The following CCDC192 variants were observed in gnomAD, a reference collection of about 807,000 sequenced individuals.
CCDC192 encodes the protein coiled-coil domain containing 192.
chr5:127,788,731 G>A (rs904508848), intron 3 of CCDC192, among the ~76,000 whole-genome samples: 1 of 152,070 alleles, frequency 6.6e-6, no homozygotes, highest in Non-Finnish European at 1.5e-5. Flanking sequence ...AGGCCTCTTA[G>A]GTTCTGTTTA....
At chr5:127,706,325 G>A (rs961907783) in intron 1 of CCDC192, among the ~76,000 whole-genome samples, 1 of 151,834 alleles carries the variant, frequency 6.6e-6, no homozygotes, top group Non-Finnish European at 1.5e-5. Context: ...TTAAGAGATC[G>A]AGACCATCCT....
chr5:127,892,380 G>C (rs1752757587), intron 6 of CCDC192, among the ~76,000 whole-genome samples: 1 of 152,132 alleles, frequency 6.6e-6, no homozygotes, highest in Non-Finnish European at 1.5e-5. Context: ...CTCCTGGATG[G>C]AACTAGCAGA....
chr5:127,845,325 A>G (rs1750484964), intron 5 of CCDC192, among the ~76,000 whole-genome samples: 1 of 152,184 alleles, frequency 6.6e-6, no homozygotes, highest in African/African-American at 2.4e-5. Flanking sequence ...ATGAGAGCAC[A>G]GGGTGAGAGC....
chr5:127,879,534 C>T (rs371492607), intron 6 of CCDC192, among the ~76,000 whole-genome samples: 4 of 63,578 alleles, frequency 6.3e-5, no homozygotes, highest in African/African-American at 2.4e-4. Flanking sequence ...CGGGCAAGGA[C>T]TTCATGTCTA....
At chr5:127,784,000 C>T (rs945834197) in intron 3 of CCDC192, among the ~76,000 whole-genome samples, 1 of 152,040 alleles carries the variant, frequency 6.6e-6, no homozygotes, top group Admixed American at 6.6e-5. Context: ...TTTTTCCACC[C>T]CTTTACCTTA....
chr5:127,724,145 C>A (rs1752176860), intron 2 of CCDC192, among the ~76,000 whole-genome samples: 1 of 152,100 alleles, frequency 6.6e-6, no homozygotes, highest in African/African-American at 2.4e-5. Context: ...ATTTTTTCAA[C>A]TCATTTAAGA....
At chr5:127,828,444 C>A (rs1472892683) in intron 5 of CCDC192, among the ~76,000 whole-genome samples, 3 of 152,134 alleles carry the variant, frequency 2.0e-5, no homozygotes. Flanking sequence ...CTTTGTTTGC[C>A]AATTACTGTT....
intron 5 of CCDC192, among the ~76,000 whole-genome samples, chr5:127,831,920 CTG>C (rs1235242037): frequency 6.6e-6 from 1 of 151,148 alleles, no homozygotes; most frequent in African/African-American, 2.4e-5. Flanking sequence ...TTTTTTAAAA[CTG>C]TAAATAAGTT....
intron 3 of CCDC192, among the ~76,000 whole-genome samples, chr5:127,780,642 T>G (rs1756158142): frequency 1.3e-5 from 2 of 152,226 alleles, no homozygotes; most frequent in South Asian, 4.1e-4. Context: ...CGTCTATTCA[T>G]GTCTGTAGCC....
chr5:127,775,189 G>A (rs1376230708), intron 3 of CCDC192, among the ~76,000 whole-genome samples: 1 of 152,064 alleles, frequency 6.6e-6, no homozygotes, highest in Non-Finnish European at 1.5e-5. Flanking sequence ...TAACTTGCCT[G>A]GGAGCATTCC....
intron 3 of CCDC192, among the ~76,000 whole-genome samples, chr5:127,775,025 A>C (rs1199235453): frequency 6.6e-6 from 1 of 152,134 alleles, no homozygotes; most frequent in East Asian, 1.9e-4. Context: ...TGTGAATGGA[A>C]GTATTTTATT....
chr5:127,872,097 T>C (rs1751887468), intron 5 of CCDC192, among the ~76,000 whole-genome samples: 1 of 152,142 alleles, frequency 6.6e-6, no homozygotes, highest in Non-Finnish European at 1.5e-5. Flanking sequence ...TTGTTTGAAA[T>C]GCCCAAAGGG....
intron 2 of CCDC192, among the ~76,000 whole-genome samples, chr5:127,752,098 G>A (rs955252266): frequency 1.8e-4 from 27 of 152,300 alleles, no homozygotes; most frequent in African/African-American, 6.5e-4. Flanking sequence ...ATCGTCTGAA[G>A]CCTTCTTCCC....
At chr5:127,871,879 T>C (rs1204039763) in intron 5 of CCDC192, among the ~76,000 whole-genome samples, 2 of 152,202 alleles carry the variant, frequency 1.3e-5, no homozygotes, top group Non-Finnish European at 2.9e-5. Context: ...GTAATAGGAA[T>C]TTACCTCCAA....
At chr5:127,815,736 C>T (rs1252408922) in intron 5 of CCDC192, among the ~76,000 whole-genome samples, 1 of 151,948 alleles carries the variant, frequency 6.6e-6, no homozygotes, top group South Asian at 2.1e-4. Flanking sequence ...GGCATGGTGG[C>T]GGGCACCTGT....
chr5:127,792,525 C>CATATATATATAT (rs34017962), intron 3 of CCDC192, among the ~76,000 whole-genome samples: 6 of 141,298 alleles, frequency 4.2e-5, no homozygotes, highest in South Asian at 4.6e-4. Flanking sequence ...ATCACCATCT[C>CATATATATATAT]ATATATATAT....
chr5:127,868,793 A>T (rs532147297), intron 5 of CCDC192, among the ~76,000 whole-genome samples: 4 of 152,252 alleles, frequency 2.6e-5, no homozygotes, highest in Non-Finnish European at 5.9e-5. Context: ...GTCAAAAAAA[A>T]AAAGAGAGAA....
At chr5:127,777,647 C>T (rs1442582255) in intron 3 of CCDC192, among the ~76,000 whole-genome samples, 1 of 152,124 alleles carries the variant, frequency 6.6e-6, no homozygotes, top group African/African-American at 2.4e-5. Context: ...AATTGTAACT[C>T]CTGTAAGTCC....
chr5:127,827,624 C>T (rs969350713), intron 5 of CCDC192, among the ~76,000 whole-genome samples: 3 of 152,146 alleles, frequency 2.0e-5, no homozygotes, highest in African/African-American at 4.8e-5. Flanking sequence ...TGCGGAAGAA[C>T]GCCTTGTGCT....
Sources: allele counts gnomAD v4.1 joint callset (sites outside exome capture counted in the v4.1 genomes callset), GRCh38; gene constraint gnomAD v4.1.1; transcripts MANE v1.5; gene names NCBI Gene and HGNC (gene_info 2026-07-23, HGNC 2026-07-21).